The following APBB1IP variants were observed in gnomAD, a reference collection of about 807,000 sequenced individuals.
The protein encoded by APBB1IP is amyloid beta A4 precursor protein-binding family B member 1-interacting protein.
A neutral mutation model predicts 64.9 loss-of-function variants in APBB1IP; 27 were observed. That is an observed-to-expected ratio of 0.42 (90% CI 0.31 to 0.57). The LOEUF is 0.57. Ranked by LOEUF, APBB1IP falls within the 20% of genes least tolerant of loss-of-function variation. APBB1IP has a pLI of 0.20. For missense variants in APBB1IP, 812 were observed against 845.5 expected (o/e 0.96, Z 0.49); for synonymous variants, 392 against 331.0 (o/e 1.18, Z -2.00).
At chr10:26,497,347 C>G (rs535526799) in intron 4 of APBB1IP, among the ~76,000 whole-genome samples, 1 of 151,956 alleles carries the variant, frequency 6.6e-6, no homozygotes, top group Non-Finnish European at 1.5e-5. Flanking sequence ...GTCAGGAGAT[C>G]GAGACCATCC....
intron 11 of APBB1IP, among the ~76,000 whole-genome samples, chr10:26,545,934 G>T (rs1836759982): frequency 6.6e-6 from 1 of 152,128 alleles, no homozygotes; most frequent in Non-Finnish European, 1.5e-5. Flanking sequence ...CTGGGCGACG[G>T]AGTGAGACTT....
chr10:26,560,012 T>C (rs550437872), intron 11 of APBB1IP, 93 bp from the exon 12 acceptor site: 1 of 1,022,374 alleles, frequency 9.8e-7, no homozygotes, highest in Non-Finnish European at 1.5e-6. Context: ...ATCACATATA[T>C]TGTTAGAGAT....
chr10:26,473,928 G>A (rs1204466761), intron 2 of APBB1IP, among the ~76,000 whole-genome samples: 11 of 150,762 alleles, frequency 7.3e-5, no homozygotes, highest in Admixed American at 3.3e-4. Context: ...CTTGAACGCC[G>A]GAGGCAGAGG....
intron 10 of APBB1IP, 41 bp from the exon 11 acceptor site, chr10:26,541,541 G>A: frequency 7.4e-7 from 1 of 1,351,510 alleles, no homozygotes; most frequent in Non-Finnish European, 1.0e-6. Flanking sequence ...ATTGTTAACT[G>A]TCATCTCAGT....
chr10:26,465,450 T>G (rs1325982734), intron 2 of APBB1IP, among the ~76,000 whole-genome samples: 1 of 152,218 alleles, frequency 6.6e-6, no homozygotes, highest in Non-Finnish European at 1.5e-5. Flanking sequence ...AAATTAGTAA[T>G]AATGCTGACA....
chr10:26,550,524 C>T (rs1359823615), intron 11 of APBB1IP, among the ~76,000 whole-genome samples: 1 of 152,028 alleles, frequency 6.6e-6, no homozygotes, highest in African/African-American at 2.4e-5. Context: ...TCTGCTTGAT[C>T]AATTCTGCAG....
At chr10:26,515,233 A>T (rs1160425169) in intron 8 of APBB1IP, among the ~76,000 whole-genome samples, 1 of 152,156 alleles carries the variant, frequency 6.6e-6, no homozygotes, top group Non-Finnish European at 1.5e-5. Flanking sequence ...AAATTGCTGT[A>T]GCAAAGAGAC....
At chr10:26,531,666 C>CA (rs35864955) in intron 8 of APBB1IP, among the ~76,000 whole-genome samples, 53,720 of 143,676 alleles carry the variant, frequency 0.37, 10,224 homozygotes, top group Admixed American at 0.51. Flanking sequence ...GACCCCGTCT[C>CA]AAAAAAAAAA....
intron 2 of APBB1IP, among the ~76,000 whole-genome samples, chr10:26,483,231 A>G (rs1030704716): frequency 1.3e-5 from 2 of 152,200 alleles, no homozygotes; most frequent in East Asian, 3.8e-4. Context: ...AAACCCACAC[A>G]GAAAAATCTT....
At chr10:26,482,913 C>A in intron 2 of APBB1IP, among the ~76,000 whole-genome samples, 1 of 116,872 alleles carries the variant, frequency 8.6e-6, no homozygotes, top group Non-Finnish European at 1.7e-5. Context: ...TGGTGAAACT[C>A]TTTCTCAAGT....
At chr10:26,525,621 ATTGCCTGTGTAGG>A (rs1446489466) in intron 8 of APBB1IP, among the ~76,000 whole-genome samples, 1 of 152,194 alleles carries the variant, frequency 6.6e-6, no homozygotes, top group African/African-American at 2.4e-5. Context: ...AATCAGTGAC[ATTGCCTGTGTAGG>A]GGAGAAAGAG....
intron 8 of APBB1IP, among the ~76,000 whole-genome samples, chr10:26,516,568 C>T (rs1000018341): frequency 2.5e-4 from 13 of 51,778 alleles, no homozygotes; most frequent in Non-Finnish European, 4.4e-4. Flanking sequence ...AAAAGTAAAG[C>T]GGAAAAGTCA....
intron 2 of APBB1IP, among the ~76,000 whole-genome samples, chr10:26,484,565 A>G (rs1446389850): frequency 6.6e-6 from 1 of 152,194 alleles, no homozygotes; most frequent in African/African-American, 2.4e-5. Context: ...TCGGCCTCAC[A>G]AAGTGCTGGT....
intron 2 of APBB1IP, among the ~76,000 whole-genome samples, chr10:26,443,574 G>A (rs1463175504): frequency 2.6e-5 from 4 of 151,678 alleles, no homozygotes; most frequent in Non-Finnish European, 5.9e-5. Context: ...TTGAGACAGG[G>A]TGCAGGCTGG....
chr10:26,535,012 A>G (rs787050), intron 9 of APBB1IP, among the ~76,000 whole-genome samples: 69,431 of 151,968 alleles, frequency 0.46, 16,272 homozygotes, highest in East Asian at 0.61. Flanking sequence ...AATCCAGTTT[A>G]TTTTGCATTT....
At chr10:26,493,500 G>A (rs1158650226) in intron 3 of APBB1IP, among the ~76,000 whole-genome samples, 2 of 152,172 alleles carry the variant, frequency 1.3e-5, no homozygotes, top group Non-Finnish European at 2.9e-5. Flanking sequence ...AAACGTCCAT[G>A]AAATCTTCGC....
intron 14 of APBB1IP, among the ~76,000 whole-genome samples, chr10:26,563,552 T>G (rs1160250707): frequency 1.3e-5 from 2 of 152,220 alleles, no homozygotes; most frequent in Non-Finnish European, 1.5e-5. Flanking sequence ...TATCTTAAAA[T>G]CATAACTAAT....
intron 2 of APBB1IP, among the ~76,000 whole-genome samples, chr10:26,467,701 A>G (rs1293908237): frequency 6.6e-6 from 1 of 152,198 alleles, no homozygotes. Flanking sequence ...GTCTCTAGCA[A>G]TAATACTTTT....
At chr10:26,442,245 A>G in intron 2 of APBB1IP, among the ~76,000 whole-genome samples, 1 of 152,226 alleles carries the variant, frequency 6.6e-6, no homozygotes, top group East Asian at 1.9e-4. Flanking sequence ...TTATCATGGG[A>G]AGACAAGTTA....
Sources: gnomAD v4.1 joint callset for allele counts (sites outside exome capture counted in the v4.1 genomes callset) on GRCh38, gnomAD v4.1.1 for gene constraint, MANE v1.5 for transcripts, NCBI Gene and HGNC (gene_info 2026-07-23, HGNC 2026-07-21) for gene names.